TBC1D5: variants seen among roughly 807,000 people sequenced by gnomAD.
TBC1D5 encodes the protein TBC1 domain family member 5.
TBC1D5 carries 75 observed loss-of-function variants against 100.3 expected under a neutral mutation model. The observed-to-expected ratio is 0.75, with a 90% CI of 0.62 to 0.91. TBC1D5 has a LOEUF of 0.91. Ranked by LOEUF, TBC1D5 falls within the 40% of genes least tolerant of loss-of-function variation. The probability of loss-of-function intolerance (pLI) is 0.00; values close to 1 mark genes in which losing one functional copy is unlikely to be tolerated. For synonymous variants in TBC1D5, 323 were observed against 325.6 expected, an observed-to-expected ratio of 0.99 and a Z score of 0.09; for missense variants, 910 against 942.4, an observed-to-expected ratio of 0.97 and a Z score of 0.45.
intron 9 of TBC1D5, among the ~76,000 whole-genome samples, chr3:17,377,782 C>A (rs1430399561): frequency 1.3e-5 from 2 of 152,040 alleles, no homozygotes; most frequent in East Asian, 3.9e-4. Flanking sequence ...TAAGTTATCA[C>A]TAGCTTTGAA....
intron 2 of TBC1D5, among the ~76,000 whole-genome samples, chr3:17,533,435 G>A (rs1475704562): frequency 2.6e-5 from 4 of 152,288 alleles, no homozygotes; most frequent in African/African-American, 9.6e-5. Flanking sequence ...AATATGGGGG[G>A]ATGGAAGGAG....
chr3:17,538,805 A>G lies in TBC1D5; in HGVS notation c.-35-30200T>C, dbSNP rs2096314047. ...TATAATCCCAGTATCTTGGGAGGCT[A>G]AGGCAGGCGGATCACTTGAGGCCAG... is the stretch of plus-strand genomic sequence containing the variant. On this transcript the variant is annotated intron_variant, in intron 2 of 21. Coordinates refer to ENST00000253692, the Ensembl canonical transcript of TBC1D5. 2.0e-5 allele frequency among the ~76,000 whole-genome samples: 3 copies of G among 152,156 alleles called. No individual in the cohort carries two copies. In the South Asian group the frequency reaches 6.2e-4, roughly 32 times the overall value.
intron 15 of TBC1D5, among the ~76,000 whole-genome samples, chr3:17,281,600 A>T (rs769764796): frequency 3.3e-5 from 5 of 152,250 alleles, no homozygotes; most frequent in East Asian, 1.9e-4. Flanking sequence ...CCAATATGGT[A>T]ATCATATGTG....
At chr3:17,478,672 T>C (rs1281207264) in intron 3 of TBC1D5, among the ~76,000 whole-genome samples, 1 of 152,208 alleles carries the variant, frequency 6.6e-6, no homozygotes, top group African/African-American at 2.4e-5. Context: ...CTGGCTTTGT[T>C]ACTTGTCTTG....
intron 2 of TBC1D5, among the ~76,000 whole-genome samples, chr3:17,581,140 T>C (rs1190821410): frequency 1.3e-5 from 2 of 152,112 alleles, no homozygotes; most frequent in African/African-American, 4.8e-5. Flanking sequence ...TAAAGGACAG[T>C]TCCCCTGCAC....
chr3:17,315,848 G>A (rs2084632640), intron 13 of TBC1D5, among the ~76,000 whole-genome samples: 1 of 152,170 alleles, frequency 6.6e-6, no homozygotes, highest in South Asian at 2.1e-4. Context: ...ACGGTGTGGG[G>A]GACGGGCGGG....
intron 8 of TBC1D5, among the ~76,000 whole-genome samples, chr3:17,395,596 T>C (rs1327475663): frequency 6.6e-6 from 1 of 152,090 alleles, no homozygotes; most frequent in African/African-American, 2.4e-5. Context: ...ATCATATAAA[T>C]CTACAACTAT....
At chr3:17,458,543 C>G (rs1430824394) in intron 3 of TBC1D5, among the ~76,000 whole-genome samples, 1 of 152,126 alleles carries the variant, frequency 6.6e-6, no homozygotes, top group African/African-American at 2.4e-5. Flanking sequence ...TGGCTTCTAT[C>G]AATGTAACGA....
At chr3:17,186,954 G>A (rs571790863) in intron 18 of TBC1D5, among the ~76,000 whole-genome samples, 8 of 152,110 alleles carry the variant, frequency 5.3e-5, no homozygotes, top group African/African-American at 1.7e-4. Context: ...GGAGAGGTGG[G>A]GTTGTCTTCC....
intron 3 of TBC1D5, among the ~76,000 whole-genome samples, chr3:17,461,749 A>G (rs1344733674): frequency 6.6e-6 from 1 of 152,156 alleles, no homozygotes; most frequent in Non-Finnish European, 1.5e-5. Flanking sequence ...CTGGTCTCCC[A>G]TCTTCTCTAA....
At chr3:17,303,070 A>G (rs1402770826) in intron 14 of TBC1D5, among the ~76,000 whole-genome samples, 3 of 152,148 alleles carry the variant, frequency 2.0e-5, no homozygotes, top group African/African-American at 2.4e-5. Flanking sequence ...CTGACCTCCC[A>G]TGCAACTCTG....
At chr3:17,734,799 G>A (rs2076832436) in intron 1 of TBC1D5, among the ~76,000 whole-genome samples, 1 of 152,144 alleles carries the variant, frequency 6.6e-6, no homozygotes, top group Middle Eastern at 3.2e-3. Context: ...TGTTAAAGAT[G>A]GGCAACCCAG....
intron 2 of TBC1D5, among the ~76,000 whole-genome samples, chr3:17,551,993 C>T (rs920900941): frequency 5.9e-5 from 9 of 152,040 alleles, no homozygotes; most frequent in African/African-American, 2.2e-4. Context: ...TGTGTTGATA[C>T]CATCTTCAAC....
At chr3:17,253,703 G>A (rs908120305) in intron 16 of TBC1D5, among the ~76,000 whole-genome samples, 1 of 152,090 alleles carries the variant, frequency 6.6e-6, no homozygotes, top group African/African-American at 2.4e-5. Flanking sequence ...CTAGCTGCCC[G>A]TTCTCGAGCT....
At chr3:17,161,389 G>A (rs1218146195) in intron 21 of TBC1D5, 133 bp from the exon 23 acceptor site, 28 of 999,154 alleles carry the variant, frequency 2.8e-5, no homozygotes, top group Non-Finnish European at 3.6e-5. Context: ...CTTGAAAGAC[G>A]CAGTGTTTGG....
chr3:17,558,859 C>G (rs962389700), intron 2 of TBC1D5, among the ~76,000 whole-genome samples: 7 of 152,126 alleles, frequency 4.6e-5, no homozygotes, highest in Non-Finnish European at 8.8e-5. Flanking sequence ...ATTTTTTAAA[C>G]TGCTTAAAAA....
At chr3:17,696,528 C>T (rs1318859721) in intron 1 of TBC1D5, among the ~76,000 whole-genome samples, 3 of 152,078 alleles carry the variant, frequency 2.0e-5, no homozygotes, top group Non-Finnish European at 2.9e-5. Flanking sequence ...TGGATACATA[C>T]AAGACTAAAC....
chr3:17,175,515 A>AT (rs1271619264), intron 19 of TBC1D5, among the ~76,000 whole-genome samples: 2 of 152,336 alleles, frequency 1.3e-5, no homozygotes, highest in African/African-American at 4.8e-5. Flanking sequence ...CTTTACACAT[A>AT]TTTTTAAACT....
intron 1 of TBC1D5, among the ~76,000 whole-genome samples, chr3:17,701,176 G>A (rs1272784630): frequency 6.6e-6 from 1 of 152,128 alleles, no homozygotes; most frequent in African/African-American, 2.4e-5. Context: ...CATGTCCTTT[G>A]CAGGGACATG....
Sources: allele counts gnomAD v4.1 joint callset (sites outside exome capture counted in the v4.1 genomes callset), GRCh38; gene constraint gnomAD v4.1.1; transcripts MANE v1.5; gene names NCBI Gene and HGNC (gene_info 2026-07-23, HGNC 2026-07-21).